The following CACNA2D3 variants were observed in gnomAD, a reference collection of about 807,000 sequenced individuals.
CACNA2D3 encodes calcium voltage-gated channel auxiliary subunit alpha2delta 3, also known as voltage-dependent calcium channel subunit alpha-2/delta-3.
In CACNA2D3, 60 loss-of-function variants were observed where a neutral mutation model predicts 160.6. The ratio of observed to expected loss-of-function variants is 0.37; its 90% CI spans 0.30 to 0.46. CACNA2D3 has a LOEUF of 0.46. Among genes scored for constraint, CACNA2D3 ranks in the 20% least tolerant of loss-of-function variants. The pLI is 1.00. For missense variants in CACNA2D3, 1,205 were observed against 1,365.0 expected, an observed-to-expected ratio of 0.88 and a Z score of 1.85; for synonymous variants, 558 against 492.9, an observed-to-expected ratio of 1.13 and a Z score of -1.75.
At chr3:54,275,478 G>A (rs568092319) in intron 2 of CACNA2D3, among the ~76,000 whole-genome samples, 1 of 152,238 alleles carries the variant, frequency 6.6e-6, no homozygotes, top group South Asian at 2.1e-4. Flanking sequence ...AAAAAACCCA[G>A]ATTTGTGATA....
intron 2 of CACNA2D3, among the ~76,000 whole-genome samples, chr3:54,179,193 T>C (rs768691428): frequency 2.0e-5 from 3 of 152,142 alleles, no homozygotes; most frequent in Non-Finnish European, 2.9e-5. Flanking sequence ...GAAATAGCCA[T>C]GAAAGAATCT....
intron 11 of CACNA2D3, among the ~76,000 whole-genome samples, chr3:54,695,483 G>A (rs547526186): frequency 2.0e-5 from 3 of 151,482 alleles, no homozygotes; most frequent in Non-Finnish European, 2.9e-5. Flanking sequence ...CCAAGGTTAC[G>A]AGTATTTTAA....
intron 35 of CACNA2D3, among the ~76,000 whole-genome samples, chr3:55,035,208 T>C (rs1235375960): frequency 1.3e-5 from 2 of 152,204 alleles, no homozygotes; most frequent in African/African-American, 4.8e-5. Context: ...TAGACATGTT[T>C]ATACATTTAA....
chr3:54,528,837 A>AGC (rs1701764602), intron 5 of CACNA2D3, among the ~76,000 whole-genome samples: 1 of 152,166 alleles, frequency 6.6e-6, no homozygotes, highest in Admixed American at 6.5e-5. Context: ...GAAAAATGTG[A>AGC]CTTACTAAAA....
intron 10 of CACNA2D3, chr3:54,638,873 G>T (rs1575399269): frequency 6.6e-6 from 1 of 151,968 alleles, no homozygotes; most frequent in South Asian, 2.1e-4. Flanking sequence ...TTAGATTTTA[G>T]GTCAGGTGAG....
chr3:54,454,231 T>A (rs1258121539), intron 4 of CACNA2D3, among the ~76,000 whole-genome samples: 1 of 152,200 alleles, frequency 6.6e-6, no homozygotes, highest in Non-Finnish European at 1.5e-5. Context: ...TAAAGTATAA[T>A]TTGCATCAAT....
At chr3:54,351,418 T>C (rs1191667934) in intron 3 of CACNA2D3, among the ~76,000 whole-genome samples, 1 of 152,198 alleles carries the variant, frequency 6.6e-6, no homozygotes, top group African/African-American at 2.4e-5. Flanking sequence ...ATAAACAAGA[T>C]TGTTGGAATG....
intron 29 of CACNA2D3, among the ~76,000 whole-genome samples, chr3:54,971,005 TAAGGAAATATAA>T (rs1450881576): frequency 6.6e-6 from 1 of 151,450 alleles, no homozygotes; most frequent in Non-Finnish European, 1.5e-5. Flanking sequence ...GAAAAACAAG[TAAGGAAATATAA>T]AAGGAAGTCC....
At position 54,472,938 on chromosome 3, in the gene CACNA2D3, G is replaced by A. The variant is rs141371011; in HGVS notation, c.382-30554G>A. On this transcript the variant is annotated intron_variant, in intron 4 of 37. Coordinates refer to ENST00000474759, the MANE Select transcript of CACNA2D3 (RefSeq NM_018398.3). ...CTCATGGATAGGAAGAATCAGTATC[G>A]TGAAAACGGCCATAATGCCCAAAGT... Among the ~76,000 whole-genome samples the A allele has an allele frequency of 9.7e-3, 1,471 of 152,268 alleles. 15 individuals carry two copies. Among genetic ancestry groups the A allele is most frequent in the Non-Finnish European group, 0.016 (1,064 of 67,998 alleles).
rs190828687 is a variant in CACNA2D3, at chr3:54,955,592, T to A, written c.2450-12858T>A. Among the ~76,000 whole-genome samples the A allele has an allele frequency of 7.9e-3, 1,196 of 152,262 alleles. 22 individuals carry two copies. Among genetic ancestry groups the A allele is most frequent in the African/African-American group, 0.026 (1,086 of 41,536 alleles). On this transcript the variant is annotated intron_variant, in intron 27 of 37. Coordinates refer to ENST00000474759, the MANE Select transcript of CACNA2D3 (RefSeq NM_018398.3). ...ATTCTGAGGCAGCTTCTAAGGTCTA[T>A]CAGCATGTCAAAGCTCCAGTCTTTG...
intron 27 of CACNA2D3, among the ~76,000 whole-genome samples, chr3:54,914,174 A>G (rs1300614635): frequency 1.3e-5 from 2 of 151,966 alleles, no homozygotes; most frequent in Non-Finnish European, 2.9e-5. Context: ...CCATGCTTCC[A>G]TTTCTTCTGT....
intron 31 of CACNA2D3, among the ~76,000 whole-genome samples, chr3:55,001,671 A>T (rs1216269186): frequency 6.6e-6 from 1 of 152,228 alleles, no homozygotes; most frequent in Non-Finnish European, 1.5e-5. Context: ...GGAACAGTGC[A>T]GCTTTAAGAG....
chr3:54,865,063 A>T (rs1280800450), intron 17 of CACNA2D3, among the ~76,000 whole-genome samples: 1 of 152,222 alleles, frequency 6.6e-6, no homozygotes, highest in African/African-American at 2.4e-5. Flanking sequence ...GTGGGGGAAT[A>T]ATCGCTTTTT....
chr3:54,553,953 A>G (rs1428725438), intron 5 of CACNA2D3, among the ~76,000 whole-genome samples: 2 of 152,188 alleles, frequency 1.3e-5, no homozygotes, highest in African/African-American at 4.8e-5. Flanking sequence ...GTCTGCTACA[A>G]AATGCATTGT....
chr3:54,205,469 A>G (rs1001655618), intron 2 of CACNA2D3, among the ~76,000 whole-genome samples: 6 of 152,016 alleles, frequency 3.9e-5, no homozygotes, highest in Non-Finnish European at 8.8e-5. Flanking sequence ...ACTATGGCCT[A>G]CTCCCTGGCT....
chr3:54,759,783 G>C (rs1702046321), intron 12 of CACNA2D3, among the ~76,000 whole-genome samples: 1 of 152,176 alleles, frequency 6.6e-6, no homozygotes, highest in Non-Finnish European at 1.5e-5. Flanking sequence ...ACCCTCCTGG[G>C]GGAGGAGCTC....
intron 2 of CACNA2D3, among the ~76,000 whole-genome samples, chr3:54,137,748 G>A (rs909027265): frequency 4.6e-5 from 7 of 152,090 alleles, no homozygotes; most frequent in African/African-American, 1.7e-4. Context: ...TTGACTAGAC[G>A]GGACTCTGTT....
chr3:54,257,614 A>G (rs554551266), intron 2 of CACNA2D3, among the ~76,000 whole-genome samples: 3 of 152,118 alleles, frequency 2.0e-5, no homozygotes, highest in Non-Finnish European at 4.4e-5. Flanking sequence ...TTGATTGCAG[A>G]CAGAGTAATT....
chr3:54,574,742 A>G (rs1201980233), intron 8 of CACNA2D3, among the ~76,000 whole-genome samples: 1 of 152,240 alleles, frequency 6.6e-6, no homozygotes, highest in African/African-American at 2.4e-5. Context: ...TCCGATGTTG[A>G]AATTTGAAAA....
Sources: allele counts gnomAD v4.1 joint callset (sites outside exome capture counted in the v4.1 genomes callset), GRCh38; gene constraint gnomAD v4.1.1; transcripts MANE v1.5; gene names NCBI Gene and HGNC (gene_info 2026-07-23, HGNC 2026-07-21).